Variants in VOPP1 observed in about 807,000 individuals in gnomAD.
The protein encoded by VOPP1 is WW domain binding protein VOPP1.
In VOPP1, 8 loss-of-function variants were observed where a neutral mutation model predicts 23.5. That is an observed-to-expected ratio of 0.34 (90% CI 0.20 to 0.61). The LOEUF (loss-of-function observed/expected upper bound fraction) is 0.61, where lower values mean the gene tolerates loss of function less well. Ranked by LOEUF, VOPP1 falls within the 20% of genes least tolerant of loss-of-function variation. The pLI, the probability that VOPP1 is intolerant of heterozygous loss-of-function variation, is 0.78. For synonymous variants in VOPP1, 83 were observed against 97.3 expected (o/e 0.85, Z 0.86); for missense variants, 174 against 238.1 (o/e 0.73, Z 1.77).
chr7:55,499,678 C>T (rs151028789), intron 2 of VOPP1, among the ~76,000 whole-genome samples: 63 of 152,274 alleles, frequency 4.1e-4, no homozygotes, highest in African/African-American at 1.4e-3. Flanking sequence ...CAGGAGGTGA[C>T]GTCTGAAAAG....
intron 1 of VOPP1, chr7:55,537,538 G>C: frequency 6.5e-7 from 1 of 1,536,046 alleles, no homozygotes; most frequent in Admixed American, 2.0e-5. Flanking sequence ...TCTGTTAGGC[G>C]CAAGGATGCA....
intron 1 of VOPP1, among the ~76,000 whole-genome samples, chr7:55,527,945 GA>G (rs10710791): frequency 0.85 from 128,450 of 151,452 alleles, 54,542 homozygotes; most frequent in Non-Finnish European, 0.87. Flanking sequence ...GAGCATAAGG[GA>G]AAAAAAAAAT....
chr7:55,456,021 A>G (rs1259910856), intron 4 of VOPP1, among the ~76,000 whole-genome samples: 4 of 152,206 alleles, frequency 2.6e-5, no homozygotes, highest in Non-Finnish European at 5.9e-5. Flanking sequence ...CAGGCAACCT[A>G]CAGAACGGGA....
chr7:55,530,963 G>A (rs1584046439), intron 1 of VOPP1: 1 of 152,180 alleles, frequency 6.6e-6, no homozygotes, highest in African/African-American at 2.4e-5. Context: ...AGAAAGGAAA[G>A]GAGCAAAGTC....
rs77920017 is a variant in VOPP1 at position 55,518,003 on chromosome 7, G to A, written c.113+3069C>T. Among the ~76,000 whole-genome samples, 15 of 152,286 alleles carry A rather than the reference G, an allele frequency of 9.8e-5. No homozygotes were observed. The East Asian group carries it at 2.1e-3, about 22-fold the overall frequency. ...TTCACTGCTGTGTCAGGACACTGTC[G>A]TCCCTCGCATGTGCAGGGAAGTGGC... On this transcript the variant is annotated intron_variant, in intron 2 of 4. Transcript: ENST00000285279.
At chr7:55,452,200 C>A (rs1268513486) in intron 4 of VOPP1, among the ~76,000 whole-genome samples, 2 of 152,196 alleles carry the variant, frequency 1.3e-5, no homozygotes, top group East Asian at 3.9e-4. Flanking sequence ...CAAGAAACCA[C>A]CTTCTTCACT....
intron 4 of VOPP1, among the ~76,000 whole-genome samples, chr7:55,443,896 G>A (rs1175128314): frequency 1.3e-5 from 2 of 152,160 alleles, no homozygotes; most frequent in Non-Finnish European, 2.9e-5. Context: ...GCCCGCCTCA[G>A]CCTCCCAAAG....
At chr7:55,562,086 C>T in intron 1 of VOPP1, 4 of 702,854 alleles carry the variant, frequency 5.7e-6, no homozygotes, top group Non-Finnish European at 1.0e-5. Context: ...GCTCCAGGTG[C>T]AGGTAATTGT....
intron 1 of VOPP1, among the ~76,000 whole-genome samples, chr7:55,546,975 G>A (rs150494633): frequency 1.9e-4 from 29 of 152,368 alleles, no homozygotes; most frequent in African/African-American, 4.3e-4. Context: ...ACTGATGAGC[G>A]AGTCAGAGCA....
At chr7:55,466,959 C>T (rs974857610), downstream of VOPP1, among the ~76,000 whole-genome samples, 17 of 152,288 alleles carry the variant, frequency 1.1e-4, no homozygotes, top group Admixed American at 5.9e-4. Context: ...AATTTTTCCA[C>T]GGACCAGGGG....
Position 55,537,053 on chromosome 7 carries a change from G to A in VOPP1, c.55-15923C>T, listed in dbSNP as rs192857323. On this transcript the variant is annotated intron_variant, in intron 1 of 4. Coordinates refer to ENST00000285279, the MANE Select transcript of VOPP1 (RefSeq NM_030796.5). ...AGGAAGGGGCTTTGGGGAGGGGCCA[G>A]ACATTTTCTGACGAGAAACGCAATG... Among the ~76,000 whole-genome samples the A allele has an allele frequency of 4.8e-3, 726 of 152,308 alleles. 24 individuals carry two copies. Among genetic ancestry groups the A allele is most frequent in the Admixed American group, 0.044 (670 of 15,302 alleles).
chr7:55,483,446 T>C (rs1792891624), intron 4 of VOPP1, among the ~76,000 whole-genome samples: 2 of 152,120 alleles, frequency 1.3e-5, no homozygotes, highest in African/African-American at 2.4e-5. Flanking sequence ...TTCCCTTCAC[T>C]CAACCCTTCA....
chr7:55,450,086 C>G (rs1184375776), intron 4 of VOPP1, among the ~76,000 whole-genome samples: 1 of 152,266 alleles, frequency 6.6e-6, no homozygotes, highest in Non-Finnish European at 1.5e-5. Context: ...AGACGAGCAA[C>G]GATTGCATTT....
chr7:55,524,498 G>A (rs1450020332), intron 1 of VOPP1, among the ~76,000 whole-genome samples: 1 of 152,182 alleles, frequency 6.6e-6, no homozygotes, highest in Non-Finnish European at 1.5e-5. Context: ...CCTGAGGAAT[G>A]CCAACATCGT....
intron 1 of VOPP1, among the ~76,000 whole-genome samples, chr7:55,525,173 G>GTC (rs1252813728): frequency 6.6e-6 from 1 of 152,110 alleles, no homozygotes; most frequent in African/African-American, 2.4e-5. Flanking sequence ...GCCAGTCTGG[G>GTC]TCTCACTCTC....
intron 1 of VOPP1, among the ~76,000 whole-genome samples, chr7:55,534,079 T>C (rs1382506020): frequency 1.3e-5 from 2 of 151,670 alleles, no homozygotes; most frequent in African/African-American, 2.4e-5. Flanking sequence ...TTCTAATAGC[T>C]GTCACTGTGT....
intron 4 of VOPP1, among the ~76,000 whole-genome samples, chr7:55,482,368 G>A (rs1156510218): frequency 7.3e-6 from 1 of 137,750 alleles, no homozygotes; most frequent in African/African-American, 2.7e-5. Context: ...TTTTTTTTGA[G>A]ACGGAGTCTC....
chr7:55,533,727 G>GCA (rs1450334040), intron 1 of VOPP1, among the ~76,000 whole-genome samples: 2 of 152,216 alleles, frequency 1.3e-5, no homozygotes, highest in Non-Finnish European at 2.9e-5. Context: ...ATGTAGAACA[G>GCA]CACTCAGGTT....
intron 1 of VOPP1, among the ~76,000 whole-genome samples, chr7:55,552,051 G>A (rs1050248915): frequency 1.4e-5 from 2 of 143,366 alleles, no homozygotes; most frequent in African/African-American, 5.2e-5. Flanking sequence ...AAAAAAAGGT[G>A]TTGACAAGGT....
Sources: allele counts gnomAD v4.1 joint callset (sites outside exome capture counted in the v4.1 genomes callset), GRCh38; gene constraint gnomAD v4.1.1; transcripts MANE v1.5; gene names NCBI Gene and HGNC (gene_info 2026-07-23, HGNC 2026-07-21).